The following CGNL1 variants were observed in gnomAD, a reference collection of about 807,000 sequenced individuals.
CGNL1 encodes the protein cingulin-like protein 1.
Under a neutral mutation model 141.2 loss-of-function variants are expected in CGNL1, and 132 were observed. The observed-to-expected ratio is 0.93, with a 90% CI of 0.81 to 1.08. The LOEUF (loss-of-function observed/expected upper bound fraction) is 1.08. Ranked by LOEUF, CGNL1 falls within the 50% of genes least tolerant of loss-of-function variation. The pLI is 0.00. For missense variants in CGNL1, 1,870 were observed against 1,588.6 expected (o/e 1.18, Z -3.01); for synonymous variants, 690 against 622.1 (o/e 1.11, Z -1.63).
At chr15:57,437,726 G>A (rs769731640) in intron 1 of CGNL1, among the ~76,000 whole-genome samples, 10 of 150,586 alleles carry the variant, frequency 6.6e-5, no homozygotes, top group African/African-American at 2.0e-4. Flanking sequence ...GTCATTACAC[G>A]GGTTGTCTGC....
chr15:57,461,917 G>A (rs1217794633), intron 8 of CGNL1, 25 bp downstream of exon 8: 2 of 1,592,264 alleles, frequency 1.3e-6, no homozygotes, highest in Non-Finnish European at 1.7e-6. Context: ...AGGAGAATCT[G>A]GCTTGTGAAC....
At chr15:57,442,291 T>G in intron 3 of CGNL1, 82 bp from the exon 4 acceptor site, 3 of 738,780 alleles carry the variant, frequency 4.1e-6, no homozygotes, top group Non-Finnish European at 4.6e-6. Flanking sequence ...AAAGGACCTG[T>G]TGGGTGTGTG....
intron 13 of CGNL1, 146 bp from the exon 14 acceptor site, chr15:57,531,544 T>C: frequency 1.6e-6 from 1 of 629,180 alleles, no homozygotes; most frequent in Non-Finnish European, 2.9e-6. Context: ...CTTTGGGCAA[T>C]GTAAGAAATA....
Position 57,427,223 on chromosome 15 carries a change from T to G in CGNL1, c.-15-10762T>G, listed in dbSNP as rs549684138. Among the ~76,000 whole-genome samples, 128 of 152,324 alleles carry G rather than the reference T, an allele frequency of 8.4e-4. 1 individual carries two copies. The highest frequency in any genetic ancestry group is 1.5e-3 in the Non-Finnish European group (101 of 68,018). On this transcript the variant is annotated intron_variant, in intron 1 of 18. Transcript: ENST00000281282. Reference sequence around the variant, plus strand: ...ACAACAGAGAACCTGAATTTATACATGTAGCAAGCTGCTAGGTTTCTAAAA... The same window carrying G: ...ACAACAGAGAACCTGAATTTATACAGGTAGCAAGCTGCTAGGTTTCTAAAA...
rs748512647 is a variant in CGNL1 at position 57,453,822 on chromosome 15, A to G, written c.2190+4A>G. The G allele has an allele frequency of 6.2e-7, 1 of 1,613,068 alleles. No individual in the cohort carries two copies. Among genetic ancestry groups the G allele is most frequent in the South Asian group, 1.1e-5 (1 of 91,026 alleles). Reference sequence around the variant, plus strand: ...GGAGAAGGGAGCTCTGATTGAGGTAAGCAGGGCTGTGGGGTCAGGTGATAA... The same window carrying G: ...GGAGAAGGGAGCTCTGATTGAGGTAGGCAGGGCTGTGGGGTCAGGTGATAA... On this transcript the variant is annotated splice_donor_region_variant and intron_variant, in intron 7 of 18. Transcript: ENST00000281282.
At chr15:57,439,637 T>G in intron 2 of CGNL1, 36 bp downstream of exon 2, 1 of 1,586,356 alleles carries the variant, frequency 6.3e-7, no homozygotes. Context: ...GTTTTTTTTC[T>G]CTTCCTTCTA....
chr15:57,400,279 C>T (rs913041995), intron 1 of CGNL1, among the ~76,000 whole-genome samples: 5 of 152,322 alleles, frequency 3.3e-5, no homozygotes, highest in Admixed American at 1.3e-4. Context: ...AGGCGTGAGC[C>T]ATTGCACCCA....
intron 14 of CGNL1, among the ~76,000 whole-genome samples, chr15:57,539,544 C>T (rs907963748): frequency 5.3e-5 from 8 of 152,206 alleles, no homozygotes; most frequent in African/African-American, 1.7e-4. Context: ...CTGTCTTAGT[C>T]GCTGCTGGAT....
intron 1 of CGNL1, among the ~76,000 whole-genome samples, chr15:57,422,061 C>A (rs1185956018): frequency 6.6e-6 from 1 of 151,934 alleles, no homozygotes; most frequent in Admixed American, 6.6e-5. Flanking sequence ...ACCAGCCTAG[C>A]TGACCAAATG....
At chr15:57,452,645 G>A (rs1423254596) in intron 6 of CGNL1, among the ~76,000 whole-genome samples, 3 of 152,034 alleles carry the variant, frequency 2.0e-5, no homozygotes, top group South Asian at 2.1e-4. Context: ...CATGTGTTAC[G>A]TGGCCCCCGT....
intron 1 of CGNL1, among the ~76,000 whole-genome samples, chr15:57,392,397 T>C (rs914735468): frequency 6.6e-6 from 1 of 152,158 alleles, no homozygotes; most frequent in Non-Finnish European, 1.5e-5. Context: ...TCTCTTTTGG[T>C]ACCTGGCACA....
At chr15:57,436,939 A>G in intron 1 of CGNL1, among the ~76,000 whole-genome samples, 1 of 152,170 alleles carries the variant, frequency 6.6e-6, no homozygotes. Flanking sequence ...AAAATGTGCT[A>G]GTAGATTGAC....
At chr15:57,433,320 G>A (rs2152298733) in intron 1 of CGNL1, among the ~76,000 whole-genome samples, 1 of 152,198 alleles carries the variant, frequency 6.6e-6, no homozygotes, top group East Asian at 1.9e-4. Context: ...GATATTAGTA[G>A]CCTTGTCAAA....
At chr15:57,386,552 C>T (rs189754782) in intron 1 of CGNL1, among the ~76,000 whole-genome samples, 3 of 152,240 alleles carry the variant, frequency 2.0e-5, no homozygotes, top group Non-Finnish European at 2.9e-5. Context: ...AGCAGTGTGG[C>T]CCAGTGGTTG....
In CGNL1 at chr15:57,524,684, G is replaced by C; in HGVS notation, c.2972G>C (p.Arg991Thr). Reference protein sequence around the residue: ...KNRRELAEMQRQLKEKTLEAE... With the variant: ...KNRRELAEMQTQLKEKTLEAE... Reference sequence around the variant, plus strand: ...CGCAGGGAGCTCGCAGAAATGCAAAGACAGTTGAAGGAGAAAACGCTGGAG... The same window carrying C: ...CGCAGGGAGCTCGCAGAAATGCAAACACAGTTGAAGGAGAAAACGCTGGAG... The change falls in exon 12 of 19, where the codon AGA (arginine) becomes ACA (threonine). Residue 991 changes from arginine to threonine, a missense_variant. Arg to Thr is a moderately conservative substitution (Grantham distance 71, BLOSUM62 -1). Transcript: ENST00000281282. The C allele has an allele frequency of 6.2e-7, 1 of 1,614,220 alleles. No individual in the cohort carries two copies.
At chr15:57,524,508 G>A (rs1368210679) in intron 11 of CGNL1, 73 bp from the exon 12 acceptor site, 6 of 1,335,270 alleles carry the variant, frequency 4.5e-6, no homozygotes, top group Non-Finnish European at 6.2e-6. Context: ...GATGTGCTGT[G>A]TGTTGAAATG....
intron 8 of CGNL1, among the ~76,000 whole-genome samples, chr15:57,500,666 C>CAAT (rs2064011874): frequency 6.6e-6 from 1 of 152,068 alleles, no homozygotes; most frequent in Non-Finnish European, 1.5e-5. Context: ...GAAAAAAAAG[C>CAAT]GTGGAGCGTT....
Position 57,545,709 on chromosome 15 carries a change from C to A in CGNL1, c.3609+9C>A. 1 of 1,601,564 alleles carries A rather than the reference C, an allele frequency of 6.2e-7. No individual in the cohort carries two copies. The highest frequency in any genetic ancestry group is 8.5e-7 in the Non-Finnish European group (1 of 1,171,320). ...CTGATCAGAAGGACCAGGTGGGGAG[C>A]CTCTGCGTGCATTTGCTCTTAGATG... On this transcript the variant is annotated intron_variant, in intron 17 of 18. Transcript: ENST00000281282.
intron 12 of CGNL1, 134 bp from the exon 13 acceptor site, chr15:57,528,520 A>G: frequency 2.3e-6 from 2 of 852,326 alleles, no homozygotes; most frequent in Non-Finnish European, 3.7e-6. Context: ...GACTTGCTCA[A>G]GGTCTTCTGA....
Sources: allele counts gnomAD v4.1 joint callset (sites outside exome capture counted in the v4.1 genomes callset), GRCh38; gene constraint gnomAD v4.1.1; transcripts MANE v1.5; gene names NCBI Gene and HGNC (gene_info 2026-07-23, HGNC 2026-07-21).